Variants in CDH13 observed in about 807,000 individuals in gnomAD.
The protein encoded by CDH13 is cadherin-13.
Under a neutral mutation model 63.8 loss-of-function variants are expected in CDH13, and 24 were observed. The ratio of observed to expected loss-of-function variants is 0.38; its 90% CI spans 0.27 to 0.53. CDH13 has a LOEUF of 0.53. Ranked by LOEUF, CDH13 falls within the 20% of genes least tolerant of loss-of-function variation. The pLI is 0.85. For synonymous variants in CDH13, 503 were observed against 355.3 expected (o/e 1.42, Z -4.67); for missense variants, 1,049 against 903.1 (o/e 1.16, Z -2.07).
At chr16:83,101,758 C>T (rs998271871) in intron 3 of CDH13, among the ~76,000 whole-genome samples, 1 of 152,302 alleles carries the variant, frequency 6.6e-6, no homozygotes, top group African/African-American at 2.4e-5. Flanking sequence ...CGTGCCCCTG[C>T]ACTCCAGCCT....
intron 1 of CDH13, among the ~76,000 whole-genome samples, chr16:82,810,754 G>T (rs1465798480): frequency 1.3e-5 from 2 of 152,128 alleles, no homozygotes; most frequent in Non-Finnish European, 2.9e-5. Flanking sequence ...GAGCATAAGA[G>T]GGGAGAGAGA....
chr16:82,898,135 T>C (rs2041331833), intron 2 of CDH13, among the ~76,000 whole-genome samples: 1 of 152,274 alleles, frequency 6.6e-6, no homozygotes, highest in African/African-American at 2.4e-5. Flanking sequence ...CATATTAAAA[T>C]GATAGTTTTT....
chr16:82,962,618 A>C (rs532147601), intron 2 of CDH13, among the ~76,000 whole-genome samples: 6 of 152,208 alleles, frequency 3.9e-5, no homozygotes, highest in African/African-American at 1.4e-4. Context: ...AGAGAATCTG[A>C]CAAAGATGCG....
At chr16:82,714,644 G>A (rs980834473) in intron 1 of CDH13, among the ~76,000 whole-genome samples, 6 of 146,222 alleles carry the variant, frequency 4.1e-5, no homozygotes, top group African/African-American at 1.5e-4. Flanking sequence ...AACTGGGCAG[G>A]TGCTGGTTGC....
chr16:82,910,708 A>G (rs966188647), intron 2 of CDH13, among the ~76,000 whole-genome samples: 3 of 152,150 alleles, frequency 2.0e-5, no homozygotes, highest in Non-Finnish European at 1.5e-5. Context: ...GCCATGTGAC[A>G]TTGTTATTTC....
intron 8 of CDH13, among the ~76,000 whole-genome samples, chr16:83,646,692 C>CAAAA (rs199756336): frequency 4.1e-5 from 3 of 72,684 alleles, no homozygotes; most frequent in East Asian, 4.4e-4. Flanking sequence ...GACTCCGTCT[C>CAAAA]AAAAAAAAAA....
intron 5 of CDH13, among the ~76,000 whole-genome samples, chr16:83,255,300 G>C (rs764452906): frequency 3.3e-5 from 5 of 152,108 alleles, no homozygotes; most frequent in African/African-American, 9.7e-5. Flanking sequence ...CCAAACTGCC[G>C]GGCCTCCTGC....
chr16:83,436,797 T>A (rs961882479), intron 6 of CDH13, among the ~76,000 whole-genome samples: 1 of 152,240 alleles, frequency 6.6e-6, no homozygotes, highest in African/African-American at 2.4e-5. Flanking sequence ...CTGCTGTGAA[T>A]GTATGATTTA....
chr16:83,727,471 C>G (rs571317571), intron 10 of CDH13, among the ~76,000 whole-genome samples: 2 of 151,922 alleles, frequency 1.3e-5, no homozygotes, highest in Middle Eastern at 3.4e-3. Context: ...CCCAGCACAT[C>G]TTCTTCTGCT....
chr16:83,279,137 A>G (rs983416070), intron 5 of CDH13, among the ~76,000 whole-genome samples: 10 of 152,078 alleles, frequency 6.6e-5, no homozygotes, highest in African/African-American at 2.4e-4. Flanking sequence ...ATTTAGTCAC[A>G]GGAAATAGTT....
intron 7 of CDH13, among the ~76,000 whole-genome samples, chr16:83,601,969 T>G (rs1310371771): frequency 6.6e-6 from 1 of 150,728 alleles, no homozygotes; most frequent in African/African-American, 2.4e-5. Flanking sequence ...GATGGGCGCC[T>G]GTAATCCCAG....
chr16:83,438,857 A>C (rs2072400082), intron 6 of CDH13, among the ~76,000 whole-genome samples: 1 of 152,240 alleles, frequency 6.6e-6, no homozygotes, highest in South Asian at 2.1e-4. Context: ...TCTAAACTGC[A>C]GATATTCACA....
At chr16:82,661,233 G>C (rs1208316827) in intron 1 of CDH13, among the ~76,000 whole-genome samples, 2 of 152,210 alleles carry the variant, frequency 1.3e-5, no homozygotes, top group Admixed American at 1.3e-4. Context: ...GTTGTAATGA[G>C]ATAGTCCTGA....
intron 3 of CDH13, among the ~76,000 whole-genome samples, chr16:83,062,449 G>T (rs942297215): frequency 1.3e-5 from 2 of 152,150 alleles, no homozygotes; most frequent in African/African-American, 4.8e-5. Flanking sequence ...TGTGGTAAGT[G>T]AATTTCTAAT....
intron 8 of CDH13, among the ~76,000 whole-genome samples, chr16:83,663,667 C>A (rs2150841888): frequency 6.6e-6 from 1 of 152,190 alleles, no homozygotes; most frequent in East Asian, 1.9e-4. Flanking sequence ...GAGAGGCATG[C>A]CCCAGGTTGT....
chr16:83,742,651 G>T (rs1018706492), intron 10 of CDH13, among the ~76,000 whole-genome samples: 1 of 152,182 alleles, frequency 6.6e-6, no homozygotes, highest in Non-Finnish European at 1.5e-5. Flanking sequence ...GGACAAAAGC[G>T]CACGGAAGCC....
At chr16:82,766,920 T>C (rs2151091247) in intron 1 of CDH13, among the ~76,000 whole-genome samples, 1 of 152,302 alleles carries the variant, frequency 6.6e-6, no homozygotes, top group African/African-American at 2.4e-5. Flanking sequence ...AAAAGTTTAA[T>C]TTTGCAGTGA....
chr16:83,645,354 A>T (rs1473807093), intron 8 of CDH13, among the ~76,000 whole-genome samples: 1 of 152,218 alleles, frequency 6.6e-6, no homozygotes, highest in Non-Finnish European at 1.5e-5. Context: ...ATGGGTACAC[A>T]TGAACATAAA....
At chr16:83,754,490 T>G (rs551829694) in intron 11 of CDH13, among the ~76,000 whole-genome samples, 1 of 152,144 alleles carries the variant, frequency 6.6e-6, no homozygotes, top group Non-Finnish European at 1.5e-5. Flanking sequence ...CTGATACAGT[T>G]TGGCTCTGTG....
Sources: gnomAD v4.1 joint callset for allele counts (sites outside exome capture counted in the v4.1 genomes callset) on GRCh38, gnomAD v4.1.1 for gene constraint, MANE v1.5 for transcripts, NCBI Gene and HGNC (gene_info 2026-07-23, HGNC 2026-07-21) for gene names.